Variants in VWA8 observed in about 807,000 individuals in gnomAD.
VWA8 encodes the protein von Willebrand factor A domain-containing protein 8.
VWA8 carries 221 observed loss-of-function variants against 241.5 expected under a neutral mutation model. The ratio of observed to expected loss-of-function variants is 0.91; its 90% confidence interval spans 0.82 to 1.02. VWA8 has a LOEUF of 1.02. Ranked by LOEUF, VWA8 falls within the 50% of genes least tolerant of loss-of-function variation. The pLI, the probability that VWA8 is intolerant of heterozygous loss-of-function variation, is 0.00. For synonymous variants in VWA8, 852 were observed against 827.1 expected (o/e 1.03, Z -0.52); for missense variants, 2,322 against 2,328.7 (o/e 1.00, Z 0.06).
chr13:41,708,502 A>G (rs1165666060), intron 26 of VWA8, among the ~76,000 whole-genome samples: 2 of 152,212 alleles, frequency 1.3e-5, no homozygotes, highest in Non-Finnish European at 2.9e-5. Context: ...TATTTGCTAG[A>G]AACTTCAGAA....
intron 2 of VWA8, among the ~76,000 whole-genome samples, chr13:41,941,019 A>G (rs887642901): frequency 6.6e-6 from 1 of 152,188 alleles, no homozygotes; most frequent in Middle Eastern, 3.2e-3. Context: ...AAACAAACAA[A>G]AAGTTTTGAT....
chr13:41,658,576 C>A (rs2044925496), intron 37 of VWA8, among the ~76,000 whole-genome samples: 1 of 152,178 alleles, frequency 6.6e-6, no homozygotes, highest in South Asian at 2.1e-4. Context: ...CAGTGATCTG[C>A]CTTTTTGCCA....
At chr13:41,704,014 C>T (rs746703743) in intron 26 of VWA8, among the ~76,000 whole-genome samples, 4 of 152,100 alleles carry the variant, frequency 2.6e-5, no homozygotes, top group Non-Finnish European at 5.9e-5. Context: ...CCCGCCTTGG[C>T]CTCCCAAAGT....
chr13:41,870,599 C>T (rs565515234), intron 9 of VWA8, among the ~76,000 whole-genome samples: 1 of 147,210 alleles, frequency 6.8e-6, no homozygotes, highest in African/African-American at 2.5e-5. Context: ...AGACGTGACA[C>T]TGCACTCTGC....
chr13:41,791,250 G>A (rs1869446725), intron 17 of VWA8, among the ~76,000 whole-genome samples: 1 of 151,796 alleles, frequency 6.6e-6, no homozygotes. Flanking sequence ...AACAGATGAT[G>A]CATAAACAAA....
chr13:41,796,527 A>G (rs1428132884), intron 17 of VWA8, among the ~76,000 whole-genome samples: 1 of 151,990 alleles, frequency 6.6e-6, no homozygotes, highest in Non-Finnish European at 1.5e-5. Flanking sequence ...TAAATTACTT[A>G]TTTGTTCTTC....
At chr13:41,757,148 A>T (rs2045700053) in intron 21 of VWA8, among the ~76,000 whole-genome samples, 2 of 151,760 alleles carry the variant, frequency 1.3e-5, no homozygotes, top group Admixed American at 6.6e-5. Flanking sequence ...GAGAGGAAAA[A>T]AAAAGAGAGT....
intron 18 of VWA8, among the ~76,000 whole-genome samples, chr13:41,786,134 C>T (rs1869179031): frequency 6.6e-6 from 1 of 152,064 alleles, no homozygotes; most frequent in Non-Finnish European, 1.5e-5. Flanking sequence ...GCCTAGTAGG[C>T]TGTAAACCTG....
At chr13:41,928,112 A>G (rs1218952962) in intron 2 of VWA8, among the ~76,000 whole-genome samples, 1 of 152,250 alleles carries the variant, frequency 6.6e-6, no homozygotes. Flanking sequence ...TAAAGCAAAT[A>G]TTAATGGACA....
intron 9 of VWA8, among the ~76,000 whole-genome samples, chr13:41,873,315 C>T (rs1342660189): frequency 6.6e-6 from 1 of 151,728 alleles, no homozygotes; most frequent in Non-Finnish European, 1.5e-5. Flanking sequence ...TAGCAGAAGG[C>T]AAGAAATAAC....
In VWA8 at chr13:41,777,542, T is replaced by C. The variant is rs1419701588; in HGVS notation, c.2349+443A>G. 2.0e-5 allele frequency among the ~76,000 whole-genome samples: 3 copies of C among 152,258 alleles called. No homozygotes were observed. The East Asian group carries it at 5.8e-4, about 29-fold the overall frequency. Reference sequence around the variant, plus strand: ...TACACTGTACTGAAGACTCAGACTATACCTAACAGAAATGGGGAGCCAATT... The same window carrying C: ...TACACTGTACTGAAGACTCAGACTACACCTAACAGAAATGGGGAGCCAATT... On this transcript the variant is annotated intron_variant, in intron 20 of 44. Transcript: ENST00000379310.
intron 35 of VWA8, among the ~76,000 whole-genome samples, chr13:41,683,186 T>A (rs968352046): frequency 2.0e-5 from 3 of 151,588 alleles, no homozygotes. Flanking sequence ...AAAAAACCAA[T>A]AAATATGTCA....
chr13:41,730,521 G>A (rs188786537), intron 22 of VWA8, among the ~76,000 whole-genome samples: 19 of 152,196 alleles, frequency 1.2e-4, no homozygotes, highest in African/African-American at 4.3e-4. Context: ...GCATTAGATT[G>A]ATTTGAAGGT....
At position 41,887,338 on chromosome 13, in the gene VWA8, A is replaced by G. The variant is rs1245949053; in HGVS notation, c.675T>C (p.Asp225=). ...CACTAACTCGGACAATTTTCCAAGA[A>G]TCCAACTCTTTTTTGGTATGATCCT... ...LLRDHTKKEL[D]SWKIVRVSEN... Residue 225 remains aspartate, a synonymous_variant, in exon 6 of 45, where the codon GAT becomes GAC. Coordinates refer to ENST00000379310, the MANE Select transcript of VWA8 (RefSeq NM_015058.2). 1.9e-6 allele frequency: 3 copies of G among 1,612,578 alleles called. No homozygotes were observed. The highest frequency in any genetic ancestry group is 2.5e-6 in the Non-Finnish European group (3 of 1,179,582).
chr13:41,833,570 A>T, intron 12 of VWA8, 39 bp from the exon 13 acceptor site: 1 of 1,541,430 alleles, frequency 6.5e-7, no homozygotes, highest in Non-Finnish European at 8.8e-7. Flanking sequence ...GAACATGACG[A>T]ATTAATTTTT....
intron 43 of VWA8, among the ~76,000 whole-genome samples, chr13:41,574,562 G>GA (rs1383289222): frequency 6.6e-6 from 1 of 152,190 alleles, no homozygotes; most frequent in Admixed American, 6.5e-5. Context: ...CAAAGAACTA[G>GA]AAAAAACAAT....
Position 41,739,847 on chromosome 13 carries a change from TG to T in VWA8, c.2427-7693del, listed in dbSNP as rs1566436424. On this transcript the variant is annotated intron_variant, in intron 21 of 44. Transcript: ENST00000379310. ...TTTTTGTTTTTTTTTTTGTTTTTTT[TG>T]TTTTTTTTGTTTTTTTTTTTTTTTG... 1.1e-3 allele frequency among the ~76,000 whole-genome samples: 73 copies of T among 66,696 alleles called. 1 individual carries two copies. The highest frequency in any genetic ancestry group is 2.4e-3 in the East Asian group (5 of 2,062). 43.8% of individuals were successfully genotyped at this position (66,696 alleles called of 152,430 possible). A position where few individuals can be genotyped will look rare whatever the true frequency, so the allele number is the denominator to read the frequency against.
Position 41,879,357 on chromosome 13 carries a change from C to CCT in VWA8, c.1080+4028_1080+4029dup, listed in dbSNP as rs989550169. Among the ~76,000 whole-genome samples the CCT allele has an allele frequency of 1.2e-4, 18 of 145,076 alleles. No homozygotes were observed. In the East Asian group the frequency reaches 3.7e-3, roughly 30 times the overall value. Reference sequence around the variant, plus strand: ...TCCTCCTCCTTCTCCTCCTACTCTTCCTCTCTCTCTCATACATACACACAT... The same window carrying CCT: ...TCCTCCTCCTTCTCCTCCTACTCTTCCTCTCTCTCTCTCATACATACACACAT... On this transcript the variant is annotated intron_variant, in intron 9 of 44. Coordinates refer to ENST00000379310, the MANE Select transcript of VWA8 (RefSeq NM_015058.2).
At chr13:41,662,650 T>G (rs1416638630) in intron 37 of VWA8, among the ~76,000 whole-genome samples, 1 of 151,890 alleles carries the variant, frequency 6.6e-6, no homozygotes, top group Non-Finnish European at 1.5e-5. Flanking sequence ...TTTTATTTAT[T>G]TTTCTTTTCT....
Sources: allele counts gnomAD v4.1 joint callset (sites outside exome capture counted in the v4.1 genomes callset), GRCh38; gene constraint gnomAD v4.1.1; transcripts MANE v1.5; gene names NCBI Gene and HGNC (gene_info 2026-07-23, HGNC 2026-07-21).